The following TOM1L1 variants were observed in gnomAD, a reference collection of about 807,000 sequenced individuals.
TOM1L1 encodes target of myb1 like 1 membrane trafficking protein, also known as TOM1-like protein 1.
A neutral mutation model predicts 63.4 loss-of-function variants in TOM1L1; 64 were observed. The ratio of observed to expected loss-of-function variants is 1.01; its 90% CI spans 0.83 to 1.24. TOM1L1 has a LOEUF of 1.24. Among genes scored for constraint, TOM1L1 ranks in the 50% most tolerant of loss-of-function variants. TOM1L1 has a pLI of 0.00. For synonymous variants in TOM1L1, 166 were observed against 194.4 expected (o/e 0.85, Z 1.22); for missense variants, 536 against 567.0 (o/e 0.95, Z 0.55).
intron 1 of TOM1L1, 142 bp downstream of exon 1, chr17:54,901,065 A>AC: frequency 8.9e-7 from 1 of 1,119,108 alleles, no homozygotes; most frequent in Non-Finnish European, 1.3e-6. Context: ...TTCCCAAGGC[A>AC]CCCGCATTCC....
intron 3 of TOM1L1, 105 bp from the exon 4 acceptor site, chr17:54,912,561 T>C: frequency 1.1e-6 from 1 of 944,556 alleles, no homozygotes; most frequent in Non-Finnish European, 1.5e-6. Flanking sequence ...TTATGTTTGT[T>C]AATTAGGATG....
chr17:54,948,020 T>C (rs891502196), intron 12 of TOM1L1, among the ~76,000 whole-genome samples: 1 of 152,248 alleles, frequency 6.6e-6, no homozygotes, highest in Non-Finnish European at 1.5e-5. Flanking sequence ...ATGGCCACTC[T>C]GCTCTTTGCT....
At chr17:54,954,866 A>G (rs538253688) in intron 14 of TOM1L1, 5 of 152,296 alleles carry the variant, frequency 3.3e-5, no homozygotes, top group East Asian at 1.9e-4. Flanking sequence ...CCCATTTACC[A>G]TGTTTCTTGC....
Position 54,930,127 on chromosome 17 carries a change from G to A in TOM1L1, c.775G>A (p.Val259Met). The stretch of plus-strand genomic sequence containing the variant: ...GGAGAGGATCATGGACCTGCTTGTG[G>A]TGGTGGAGAACGAAGATGTAACTGT... ...MQERIMDLLVVVENEDVTVEL... is the reference protein window; with the variant it reads ...MQERIMDLLVMVENEDVTVEL... The change falls in exon 8 of 16, where the codon GTG becomes ATG. Residue 259 changes from valine to methionine, a missense_variant. Coordinates refer to ENST00000575882, the MANE Select transcript of TOM1L1 (RefSeq NM_005486.3). The A allele has an allele frequency of 6.2e-7, 1 of 1,614,096 alleles. No homozygotes were observed. Among genetic ancestry groups the A allele is most frequent in the Non-Finnish European group, 8.5e-7 (1 of 1,180,002 alleles).
At chr17:54,956,294 G>T (rs1004334885) in intron 14 of TOM1L1, among the ~76,000 whole-genome samples, 11 of 151,924 alleles carry the variant, frequency 7.2e-5, no homozygotes, top group African/African-American at 2.2e-4. Context: ...ATTGGGGTGT[G>T]CTACCATGCC....
chr17:54,931,956 T>TTTGTGTG (rs113699110), intron 8 of TOM1L1, among the ~76,000 whole-genome samples: 23 of 130,232 alleles, frequency 1.8e-4, no homozygotes, highest in African/African-American at 7.0e-4. Context: ...TTCGTTTTTT[T>TTTGTGTG]TTTGTTTGTT....
intron 14 of TOM1L1, among the ~76,000 whole-genome samples, chr17:54,951,279 G>C (rs1277625461): frequency 1.3e-5 from 2 of 152,228 alleles, no homozygotes; most frequent in Non-Finnish European, 2.9e-5. Flanking sequence ...AGGCCATGGA[G>C]TTTCCGTGCC....
chr17:54,920,414 C>T (rs542183433), intron 7 of TOM1L1, among the ~76,000 whole-genome samples: 1 of 152,222 alleles, frequency 6.6e-6, no homozygotes, highest in Admixed American at 6.5e-5. Context: ...TTCCCCAAAT[C>T]CCATTGAAAT....
intron 11 of TOM1L1, among the ~76,000 whole-genome samples, chr17:54,941,490 A>C (rs2049032075): frequency 6.6e-6 from 1 of 152,232 alleles, no homozygotes; most frequent in African/African-American, 2.4e-5. Flanking sequence ...TTTTGGCTAC[A>C]TGCAATGCAA....
chr17:54,905,010 C>G (rs909546489), intron 2 of TOM1L1, among the ~76,000 whole-genome samples: 1 of 152,134 alleles, frequency 6.6e-6, no homozygotes, highest in African/African-American at 2.4e-5. Context: ...AATTTGGACC[C>G]TTATAAACAG....
intron 11 of TOM1L1, among the ~76,000 whole-genome samples, chr17:54,946,513 C>A (rs1195386419): frequency 6.6e-6 from 1 of 152,130 alleles, no homozygotes; most frequent in Admixed American, 6.6e-5. Flanking sequence ...TCCTACAAGT[C>A]CCATTGCCTC....
chr17:54,912,835 C>T lies in TOM1L1; in HGVS notation c.372+20C>T, dbSNP rs1043185677. Reference sequence around the variant, plus strand: ...ATTAAGGTAAGTCTGTTGTATACCTCATGGGATGGTAAATTTCTAAGATTA... The same window carrying T: ...ATTAAGGTAAGTCTGTTGTATACCTTATGGGATGGTAAATTTCTAAGATTA... On this transcript the variant is annotated intron_variant, in intron 4 of 15. Coordinates refer to ENST00000575882, the MANE Select transcript of TOM1L1 (RefSeq NM_005486.3). 1 of 1,524,814 alleles carries T rather than the reference C, an allele frequency of 6.6e-7. No homozygotes were observed. The highest frequency in any genetic ancestry group is 8.8e-7 in the Non-Finnish European group (1 of 1,142,650). 94.5% of individuals were successfully genotyped at this position (1,524,814 alleles called of 1,614,324 possible). A position where few individuals can be genotyped will look rare whatever the true frequency, so the allele number is the denominator to read the frequency against.
At chr17:54,947,398 G>T in intron 12 of TOM1L1, 86 bp downstream of exon 12, 1 of 1,443,756 alleles carries the variant, frequency 6.9e-7, no homozygotes, top group East Asian at 2.3e-5. Context: ...TAATTCCCAT[G>T]TTCTGCTCAG....
intron 14 of TOM1L1, chr17:54,958,046 G>A (rs2076994177): frequency 1.3e-5 from 2 of 152,184 alleles, no homozygotes; most frequent in Non-Finnish European, 2.9e-5. Context: ...TTAGTTAAGT[G>A]AAAAGTTTGG....
intron 5 of TOM1L1, 150 bp downstream of exon 5, chr17:54,914,023 A>G: frequency 1.0e-6 from 1 of 957,364 alleles, no homozygotes; most frequent in African/African-American, 1.7e-5. Flanking sequence ...AATAACCGAG[A>G]CTTGGGATTT....
intron 2 of TOM1L1, among the ~76,000 whole-genome samples, chr17:54,904,992 T>G (rs1273877789): frequency 6.6e-6 from 1 of 152,254 alleles, no homozygotes; most frequent in Non-Finnish European, 1.5e-5. Flanking sequence ...AAAGAGAATC[T>G]TAAAGTAAAT....
rs549780654 is a variant in TOM1L1, at chr17:54,930,193, C to T, written c.841C>T (p.Leu281Phe). 1 of 1,614,052 alleles carries T rather than the reference C, an allele frequency of 6.2e-7. No homozygotes were observed. The highest frequency in any genetic ancestry group is 1.3e-5 in the African/African-American group (1 of 75,022). ...GAATGAGGATTTGAATAATGCTATC[C>T]TTGGATATGAGAGGTGAGCAGATCA... ...QVNEDLNNAI[L>F]GYERFTRNQQ... Residue 281 changes from leucine to phenylalanine, a missense_variant, in exon 8 of 16, where the codon CTT (leucine) becomes TTT (phenylalanine). Coordinates refer to ENST00000575882, the MANE Select transcript of TOM1L1 (RefSeq NM_005486.3).
intron 3 of TOM1L1, 31 bp downstream of exon 3, chr17:54,905,598 G>A (rs764765878): frequency 3.0e-6 from 4 of 1,343,792 alleles, no homozygotes; most frequent in East Asian, 4.6e-5. Context: ...ATTAAGACTC[G>A]AGGATTTCTC....
Position 54,950,090 on chromosome 17 carries a change from T to C in TOM1L1, c.1334T>C (p.Met445Thr). The change falls in exon 14 of 16, where the codon ATG becomes ACG. Residue 445 changes from methionine (M) to threonine (T), a missense_variant. Coordinates refer to ENST00000575882, the MANE Select transcript of TOM1L1 (RefSeq NM_005486.3). ...CAGCCACCTAATTACTACGAGGTAA[T>C]GGAGTTTGATCCCTTAGCTCCTGCT... is the stretch of plus-strand genomic sequence containing the variant. Reference protein sequence around the residue: ...DLQPPNYYEVMEFDPLAPAVT... With the variant: ...DLQPPNYYEVTEFDPLAPAVT... The C allele has an allele frequency of 6.2e-7, 1 of 1,613,978 alleles. No individual in the cohort carries two copies. Among genetic ancestry groups the C allele is most frequent in the African/African-American group, 1.3e-5 (1 of 75,050 alleles).
Sources: gnomAD v4.1 joint callset for allele counts (sites outside exome capture counted in the v4.1 genomes callset) on GRCh38, gnomAD v4.1.1 for gene constraint, MANE v1.5 for transcripts, NCBI Gene and HGNC (gene_info 2026-07-23, HGNC 2026-07-21) for gene names.